ZNF625: variants seen among roughly 807,000 people sequenced by gnomAD.
ZNF625 encodes the protein zinc finger protein 625.
ZNF625 carries 8 observed loss-of-function variants against 11.1 expected under a neutral mutation model. The ratio of observed to expected loss-of-function variants is 0.72; its 90% CI spans 0.42 to 1.30. The LOEUF (loss-of-function observed/expected upper bound fraction) is 1.30, where lower values mean the gene tolerates loss of function less well. ZNF625 is among the 50% of genes most tolerant of loss of function. The probability of loss-of-function intolerance (pLI) is 0.01; values close to 1 mark genes in which losing one functional copy is unlikely to be tolerated. For missense variants in ZNF625, 349 were observed against 447.6 expected (o/e 0.78, Z 1.99); for synonymous variants, 145 against 153.4 (o/e 0.95, Z 0.41).
chr19:12,145,389 C>A lies in ZNF625; in HGVS notation c.1027G>T (p.Ala343Ser), dbSNP rs1203587109. The change falls in exon 4 of 4, where the codon GCC becomes TCC. Residue 343 changes from alanine (A) to serine (S), a missense_variant. Transcript: ENST00000439556. ...CTTTCATGGATTTTAACGCTCGAGG[C>A]ACATCCAAAGGCTTTACCACATTGT... ...CKQCGKAFGC[A>S]SSVKIHERTH... 1.2e-6 allele frequency: 2 copies of A among 1,614,042 alleles called. No homozygotes were observed. The highest frequency in any genetic ancestry group is 2.2e-5 in the South Asian group (2 of 91,082).
Position 12,146,125 on chromosome 19 carries a change from G to A in ZNF625, c.291C>T (p.Pro97=). Residue 97 remains proline (P), a synonymous_variant, in exon 4 of 4, where the codon CCC becomes CCT. Coordinates refer to ENST00000439556, the MANE Select transcript of ZNF625 (RefSeq NM_145233.4). ...TGACTTCTCCACATGATTTTACTCG[G>A]GGAGTTTTCTTCTTCAGCATGTCAT... The part of the protein sequence containing the change: ...VPDDMLKKKT[P]RVKSCGEVSV... 1.2e-6 allele frequency: 2 copies of A among 1,614,036 alleles called. No homozygotes were observed. Among genetic ancestry groups the A allele is most frequent in the Non-Finnish European group, 1.7e-6 (2 of 1,180,002 alleles).
At chr19:12,153,213 C>T (rs554397987) in intron 1 of ZNF625, among the ~76,000 whole-genome samples, 116 of 151,314 alleles carry the variant, frequency 7.7e-4, no homozygotes, top group African/African-American at 2.8e-3. Context: ...TAGCCAGGTG[C>T]GGTGGCAGGA....
intron 1 of ZNF625, among the ~76,000 whole-genome samples, chr19:12,153,959 C>G (rs974919671): frequency 6.6e-6 from 1 of 151,292 alleles, no homozygotes. Flanking sequence ...AGGCACCTGC[C>G]GCCATGTCCG....
In ZNF625 at chr19:12,145,427, G is replaced by T. The variant is rs1976854183; in HGVS notation, c.989C>A (p.Pro330His). 1 of 1,614,050 alleles carries T rather than the reference G, an allele frequency of 6.2e-7. No homozygotes were observed. The highest frequency in any genetic ancestry group is 8.5e-7 in the Non-Finnish European group (1 of 1,180,040). The change falls in exon 4 of 4, where the codon CCC becomes CAC. Residue 330 changes from proline (P) to histidine (H), a missense_variant. Transcript: ENST00000439556. The part of the protein sequence containing the change: ...THGRTHTGEK[P>H]YECKQCGKAF... The stretch of plus-strand genomic sequence containing the variant: ...TTTACCACATTGTTTACATTCATAG[G>T]GTTTCTCTCCAGTGTGAGTCCTTCC...
Position 12,156,648 on chromosome 19 carries a change from G to A in ZNF625, c.-90C>T. The A allele has an allele frequency of 8.3e-7, 1 of 1,207,272 alleles. No homozygotes were observed. The highest frequency in any genetic ancestry group is 1.0e-6 in the Non-Finnish European group (1 of 958,892). The allele number at this position is 1,207,272 out of a possible 1,614,324, so 74.8% of individuals were successfully genotyped here. A position where few individuals can be genotyped will look rare whatever the true frequency, so the allele number is the denominator to read the frequency against. On this transcript the variant is annotated 5_prime_UTR_variant, in exon 1 of 4. Coordinates refer to ENST00000439556, the MANE Select transcript of ZNF625 (RefSeq NM_145233.4). Reference sequence around the variant, plus strand: ...GGGCGATGGAGCGACAGAAGCTATGGCGGAGGCACCTGGTCCCTCTCGGGG... The same window carrying A: ...GGGCGATGGAGCGACAGAAGCTATGACGGAGGCACCTGGTCCCTCTCGGGG...
Position 12,150,220 on chromosome 19 carries a change from G to A in ZNF625, c.4-2418C>T, listed in dbSNP as rs117735955. Among the ~76,000 whole-genome samples, 570 of 152,310 alleles carry A rather than the reference G, an allele frequency of 3.7e-3. 2 individuals carry two copies. Among genetic ancestry groups the A allele is most frequent in the Middle Eastern group, 0.01 (3 of 294 alleles). The stretch of plus-strand genomic sequence containing the variant: ...TCATGGTGGACACACTGATGAAGAT[G>A]TCGATTAGAGAGGGGAGATGGGTGC... On this transcript the variant is annotated intron_variant, in intron 1 of 3. Transcript: ENST00000439556.
intron 1 of ZNF625, among the ~76,000 whole-genome samples, chr19:12,153,990 G>A (rs1049307883): frequency 4.0e-5 from 6 of 151,438 alleles, no homozygotes; most frequent in Admixed American, 3.3e-4. Flanking sequence ...TGTATTTTTA[G>A]TAGAGACGGG....
At chr19:12,154,247 G>A (rs1599444469) in intron 1 of ZNF625, among the ~76,000 whole-genome samples, 1 of 152,124 alleles carries the variant, frequency 6.6e-6, no homozygotes, top group East Asian at 1.9e-4. Context: ...AGTGTCTTAA[G>A]CTGGAATGTC....
At position 12,145,461 on chromosome 19, in the gene ZNF625, G is replaced by A. The variant is rs771178831; in HGVS notation, c.955C>T (p.Arg319Ter). 13 of 1,614,104 alleles carry A rather than the reference G, an allele frequency of 8.1e-6. No homozygotes were observed. The highest frequency in any genetic ancestry group is 1.1e-5 in the Non-Finnish European group (13 of 1,180,036). Residue 319 changes from arginine to a stop codon, truncating the protein, a stop_gained, in exon 4 of 4, where the codon CGA (arginine) becomes TGA (stop). Transcript: ENST00000439556. LOFTEE classifies it low-confidence loss of function (END_TRUNC). ...GKAFRSASHL[R>*]THGRTHTGEK... ...CCAGTGTGAGTCCTTCCATGTGTTC[G>A]AAGGTGCGAGGCAGATCTGAAGGCT...
rs961247248 is a variant in ZNF625, at chr19:12,156,313, G to A, written c.3+243C>T. ...CGCGGAGCTCCCCAGAGAGGGCTCCGGGGCCGGGGCCAGGGCCGGGGTCGC... is the reference window on the plus strand; with the variant it reads ...CGCGGAGCTCCCCAGAGAGGGCTCCAGGGCCGGGGCCAGGGCCGGGGTCGC... On this transcript the variant is annotated intron_variant, in intron 1 of 3. Transcript: ENST00000439556. Among the ~76,000 whole-genome samples, 6 of 152,160 alleles carry A rather than the reference G, an allele frequency of 3.9e-5. No homozygotes were observed. In the East Asian group the frequency reaches 5.8e-4, roughly 15 times the overall value.
chr19:12,146,100 T>G lies in ZNF625; in HGVS notation c.316A>C (p.Ser106Arg), dbSNP rs771038722. ...TPRVKSCGEV[S>R]VGHASLNRHH... ...CTATTAAGGGATGCATGACCCACGCTGACTTCTCCACATGATTTTACTCGG... is the reference window on the plus strand; with the variant it reads ...CTATTAAGGGATGCATGACCCACGCGGACTTCTCCACATGATTTTACTCGG... Residue 106 changes from serine to arginine, a missense_variant, in exon 4 of 4, where the codon AGC (serine) becomes CGC (arginine). By Grantham distance (110) the Ser-to-Arg change is moderately radical (BLOSUM62 -1). Coordinates refer to ENST00000439556, the MANE Select transcript of ZNF625 (RefSeq NM_145233.4). 1.7e-5 allele frequency: 27 copies of G among 1,614,182 alleles called. No individual in the cohort carries two copies. Among genetic ancestry groups the G allele is most frequent in the Non-Finnish European group, 2.3e-5 (27 of 1,180,010 alleles).
intron 3 of ZNF625, among the ~76,000 whole-genome samples, chr19:12,146,569 G>C (rs1370558576): frequency 2.0e-5 from 3 of 152,030 alleles, no homozygotes; most frequent in Non-Finnish European, 4.4e-5. Flanking sequence ...GATTACCTGA[G>C]GCTACAAGCA....
chr19:12,153,136 G>T (rs1568390858), intron 1 of ZNF625, among the ~76,000 whole-genome samples: 1 of 151,782 alleles, frequency 6.6e-6, no homozygotes, highest in Admixed American at 6.6e-5. Context: ...GGTGGATCAC[G>T]AGGTCAGGAG....
chr19:12,156,628 A>T lies in ZNF625; in HGVS notation c.-70T>A. ...TAACAGTCCAGTCACAGTGCGGGCG[A>T]TGGAGCGACAGAAGCTATGGCGGAG... On this transcript the variant is annotated 5_prime_UTR_variant, in exon 1 of 4. Coordinates refer to ENST00000439556, the MANE Select transcript of ZNF625 (RefSeq NM_145233.4). 8.0e-7 allele frequency: 1 copy of T among 1,245,208 alleles called. No individual in the cohort carries two copies. Among genetic ancestry groups the T allele is most frequent in the Non-Finnish European group, 1.0e-6 (1 of 989,042 alleles). The allele number at this position is 1,245,208 out of a possible 1,614,324, so 77.1% of individuals were successfully genotyped here.
intron 1 of ZNF625, among the ~76,000 whole-genome samples, chr19:12,151,204 C>CTTTT (rs573002649): frequency 1.5e-5 from 2 of 133,974 alleles, no homozygotes; most frequent in Non-Finnish European, 3.2e-5. Context: ...TCTTGTATTT[C>CTTTT]TTTTTTTTTT....
intron 1 of ZNF625, among the ~76,000 whole-genome samples, chr19:12,155,883 G>A (rs1469270756): frequency 6.6e-6 from 1 of 152,022 alleles, no homozygotes; most frequent in African/African-American, 2.4e-5. Context: ...ACAGGGTCTC[G>A]CTCAGTCGCC....
chr19:12,149,469 T>A (rs796530040), intron 1 of ZNF625, among the ~76,000 whole-genome samples: 3 of 152,274 alleles, frequency 2.0e-5, no homozygotes, highest in African/African-American at 7.2e-5. Context: ...TAGGATACTA[T>A]GCTAACAGCC....
chr19:12,148,766 G>A (rs145883675), intron 1 of ZNF625, among the ~76,000 whole-genome samples: 4,378 of 151,216 alleles, frequency 0.029, 130 homozygotes, highest in Non-Finnish European at 0.049. Context: ...GATTACAGGC[G>A]CCCGCCACCA....
In ZNF625 at chr19:12,156,732, G is replaced by C. The variant is rs1005227453; in HGVS notation, c.-174C>G. The C allele has an allele frequency of 1.4e-4, 76 of 535,018 alleles. No individual in the cohort carries two copies. The African/African-American group carries it at 1.4e-3, about 10-fold the overall frequency. 33.1% of individuals were successfully genotyped at this position (535,018 alleles called of 1,614,324 possible). A position where few individuals can be genotyped will look rare whatever the true frequency, so the allele number is the denominator to read the frequency against. On this transcript the variant is annotated 5_prime_UTR_variant, in exon 1 of 4. Transcript: ENST00000439556. ...CAAGACGCCTGGGAGTCAGGAAAGCGGGAATGCGGCCTCCCCTTCCCCGGA... is the reference window on the plus strand; with the variant it reads ...CAAGACGCCTGGGAGTCAGGAAAGCCGGAATGCGGCCTCCCCTTCCCCGGA...
Sources: allele counts gnomAD v4.1 joint callset (sites outside exome capture counted in the v4.1 genomes callset), GRCh38; gene constraint gnomAD v4.1.1; transcripts MANE v1.5; gene names NCBI Gene and HGNC (gene_info 2026-07-23, HGNC 2026-07-21).